The following PCSK6 variants were observed in gnomAD, a reference collection of about 807,000 sequenced individuals.
PCSK6 encodes proprotein convertase subtilisin/kexin type 6, also known as paired basic amino acid cleaving enzyme 4.
PCSK6 carries 85 observed loss-of-function variants against 123.3 expected under a neutral mutation model. The ratio of observed to expected loss-of-function variants is 0.69; its 90% CI spans 0.58 to 0.83. The LOEUF is 0.83. Ranked by LOEUF, PCSK6 falls within the 40% of genes least tolerant of loss-of-function variation. PCSK6 has a pLI of 0.00. For synonymous variants in PCSK6, 508 were observed against 516.0 expected (o/e 0.98, Z 0.21); for missense variants, 1,191 against 1,282.3 (o/e 0.93, Z 1.09).
chr15:101,444,935 T>C (rs982027971), intron 1 of PCSK6, among the ~76,000 whole-genome samples: 4 of 152,160 alleles, frequency 2.6e-5, no homozygotes, highest in African/African-American at 9.7e-5. Flanking sequence ...CCCAGCCCCT[T>C]TGCTTCCCTT....
intron 11 of PCSK6, among the ~76,000 whole-genome samples, chr15:101,381,312 C>T (rs1457485105): frequency 6.6e-6 from 1 of 152,036 alleles, no homozygotes; most frequent in East Asian, 1.9e-4. Flanking sequence ...TGCAGTGAGC[C>T]GGGATCATGC....
chr15:101,348,535 G>A (rs1164294522), intron 13 of PCSK6, among the ~76,000 whole-genome samples: 1 of 152,228 alleles, frequency 6.6e-6, no homozygotes, highest in Non-Finnish European at 1.5e-5. Context: ...AATTCGATAT[G>A]TAACTGACAT....
intron 19 of PCSK6, 101 bp from the exon 20 acceptor site, chr15:101,313,606 G>A (rs1477844048): frequency 8.7e-6 from 13 of 1,489,990 alleles, no homozygotes; most frequent in Non-Finnish European, 1.2e-5. Flanking sequence ...TACCATTCAG[G>A]AGCCCCCAGG....
intron 1 of PCSK6, among the ~76,000 whole-genome samples, chr15:101,446,111 C>T (rs2056882656): frequency 1.3e-5 from 2 of 152,258 alleles, no homozygotes; most frequent in Admixed American, 1.3e-4. Context: ...GGCCAGAACT[C>T]CATCTGTTTG....
intron 6 of PCSK6, among the ~76,000 whole-genome samples, chr15:101,407,362 G>A (rs150429029): frequency 1.3e-5 from 2 of 152,284 alleles, no homozygotes; most frequent in East Asian, 3.9e-4. Flanking sequence ...CCTTCCTCTT[G>A]TATTTTCAGT....
intron 6 of PCSK6, among the ~76,000 whole-genome samples, chr15:101,409,656 G>T (rs2042887944): frequency 1.3e-5 from 2 of 151,804 alleles, no homozygotes; most frequent in African/African-American, 4.8e-5. Flanking sequence ...CCTGCCTTAG[G>T]AAAGTGTCTG....
intron 6 of PCSK6, among the ~76,000 whole-genome samples, chr15:101,400,127 C>T (rs898319484): frequency 2.0e-5 from 3 of 152,140 alleles, no homozygotes; most frequent in African/African-American, 7.2e-5. Context: ...TGGGCTCAAG[C>T]AATCATCCCA....
chr15:101,393,175 C>A, intron 8 of PCSK6, 37 bp downstream of exon 8: 1 of 1,490,998 alleles, frequency 6.7e-7, no homozygotes, highest in Non-Finnish European at 9.3e-7. Context: ...GGCTGAGGCA[C>A]TCACTGTAAG....
chr15:101,453,727 C>A (rs1182863365), intron 1 of PCSK6, among the ~76,000 whole-genome samples: 1 of 152,228 alleles, frequency 6.6e-6, no homozygotes, highest in Non-Finnish European at 1.5e-5. Flanking sequence ...ACTTTCCCAA[C>A]TTGAGGAGGC....
chr15:101,447,196 C>T (rs1368586572), intron 1 of PCSK6, among the ~76,000 whole-genome samples: 1 of 152,170 alleles, frequency 6.6e-6, no homozygotes, highest in African/African-American at 2.4e-5. Flanking sequence ...TCTGCCCCTC[C>T]CCAGTGAGGG....
chr15:101,314,063 G>A (rs1430381123), intron 19 of PCSK6, among the ~76,000 whole-genome samples: 2 of 152,288 alleles, frequency 1.3e-5, no homozygotes, highest in South Asian at 2.1e-4. Flanking sequence ...AGAAGATGAC[G>A]GGGGAAGATG....
In PCSK6 at chr15:101,305,207, G is replaced by T; in HGVS notation, c.*51C>A. On this transcript the variant is annotated 3_prime_UTR_variant, in exon 22 of 22. Coordinates refer to ENST00000611716, the MANE Select transcript of PCSK6 (RefSeq NM_002570.5). This position sits in a 1 kb window ranked among gnomAD's most constrained non-coding sequence, Gnocchi z 4.8. ...TCTGGCCGACAGTCTGGAGGAAGGT[G>T]GACGGATGGATGGATGGGAGTGCCT... The T allele has an allele frequency of 6.9e-7, 1 of 1,443,680 alleles. No individual in the cohort carries two copies. The highest frequency in any genetic ancestry group is 9.6e-7 in the Non-Finnish European group (1 of 1,044,672). The allele number at this position is 1,443,680 out of a possible 1,614,324, so 89.4% of individuals were successfully genotyped here. A position where few individuals can be genotyped will look rare whatever the true frequency, so the allele number is the denominator to read the frequency against.
intron 12 of PCSK6, among the ~76,000 whole-genome samples, chr15:101,368,394 C>T (rs2041465267): frequency 6.6e-6 from 1 of 152,210 alleles, no homozygotes. Context: ...TATATTATCA[C>T]ACTCAAGTCT....
At chr15:101,407,640 C>T (rs1445346557) in intron 6 of PCSK6, among the ~76,000 whole-genome samples, 2 of 152,190 alleles carry the variant, frequency 1.3e-5, no homozygotes, top group East Asian at 3.9e-4. Flanking sequence ...TTCAGCCTAG[C>T]TGATTCTGAA....
intron 17 of PCSK6, among the ~76,000 whole-genome samples, chr15:101,323,236 G>C (rs2040171890): frequency 6.6e-6 from 1 of 152,196 alleles, no homozygotes; most frequent in Non-Finnish European, 1.5e-5. Flanking sequence ...TCCCCCTCAG[G>C]GCCCCCACAG....
rs577183658 is a variant in PCSK6 at position 101,326,988 on chromosome 15, G to A, written c.2078-509C>T. Among the ~76,000 whole-genome samples the A allele has an allele frequency of 1.9e-3, 294 of 152,288 alleles. 1 individual carries two copies. Among genetic ancestry groups the A allele is most frequent in the Non-Finnish European group, 3.5e-3 (236 of 68,030 alleles). ...TAGCCCCCCCGCAACTCGCTGTGGT[G>A]GGAATGGGGATGGATCTCCGCATGC... On this transcript the variant is annotated intron_variant, in intron 15 of 21. Transcript: ENST00000611716.
intron 9 of PCSK6, among the ~76,000 whole-genome samples, chr15:101,388,671 G>C (rs1455176063): frequency 1.3e-5 from 2 of 151,630 alleles, no homozygotes; most frequent in Admixed American, 6.6e-5. Flanking sequence ...GGAGACTTGG[G>C]CTTTAAGAAA....
chr15:101,359,088 G>A (rs2041135301), intron 13 of PCSK6, among the ~76,000 whole-genome samples: 1 of 152,182 alleles, frequency 6.6e-6, no homozygotes, highest in Non-Finnish European at 1.5e-5. Context: ...CGTCAGCTGT[G>A]GCAGGACGCA....
chr15:101,359,030 C>A (rs1012772642), intron 13 of PCSK6, among the ~76,000 whole-genome samples: 32 of 152,306 alleles, frequency 2.1e-4, no homozygotes, highest in African/African-American at 7.2e-4. Flanking sequence ...CTGTGGGTGA[C>A]AGGAAGGCGC....
Sources: gnomAD v4.1 joint callset for allele counts (sites outside exome capture counted in the v4.1 genomes callset) on GRCh38, gnomAD v4.1.1 for gene constraint, Gnocchi (gnomAD v3.1) non-coding constraint, MANE v1.5 for transcripts, NCBI Gene and HGNC (gene_info 2026-07-23, HGNC 2026-07-21) for gene names.